The following ODF2L variants were observed in gnomAD, a reference collection of about 807,000 sequenced individuals.
ODF2L encodes the protein protein BCAP.
ODF2L carries 76 observed loss-of-function variants against 86.3 expected under a neutral mutation model. The observed-to-expected ratio is 0.88, with a 90% CI of 0.73 to 1.07. The LOEUF (loss-of-function observed/expected upper bound fraction) is 1.07, where lower values mean the gene tolerates loss of function less well. Ranked by LOEUF, ODF2L falls within the 50% of genes least tolerant of loss-of-function variation. The pLI is 0.00. For synonymous variants in ODF2L, 241 were observed against 231.3 expected (o/e 1.04, Z -0.38); for missense variants, 748 against 717.4 (o/e 1.04, Z -0.49).
At chr1:86,371,100 T>G in exon 10 of ODF2L, 1 of 1,560,132 alleles carries the variant, frequency 6.4e-7, no homozygotes, top group South Asian at 1.2e-5. Flanking sequence ...TTCACATGAA[T>G]TTTTTCCATG....
At chr1:86,379,040 G>A (rs1031442839) in intron 7 of ODF2L, among the ~76,000 whole-genome samples, 1 of 151,998 alleles carries the variant, frequency 6.6e-6, no homozygotes, top group Non-Finnish European at 1.5e-5. Flanking sequence ...TTAAAAGTGT[G>A]CAGCACCTCC....
At chr1:86,378,727 G>C (rs1010579202) in intron 7 of ODF2L, among the ~76,000 whole-genome samples, 4 of 152,098 alleles carry the variant, frequency 2.6e-5, no homozygotes, top group Non-Finnish European at 5.9e-5. Flanking sequence ...TCACTATCAT[G>C]AGAACAGGAT....
intron 8 of ODF2L, 40 bp downstream of exon 8, chr1:86,376,193 T>C (rs769834723): frequency 8.7e-7 from 1 of 1,152,004 alleles, no homozygotes; most frequent in Non-Finnish European, 1.3e-6. Context: ...ACTACGTACA[T>C]AATAGATCTT....
intron 7 of ODF2L, 87 bp downstream of exon 7, chr1:86,382,155 C>G: frequency 7.1e-7 from 1 of 1,411,888 alleles, no homozygotes. Context: ...TTTAAAACCA[C>G]CAAATTCTAG....
At chr1:86,350,357 G>A (rs552022471) in exon 18 of ODF2L, 1 of 152,224 alleles carries the variant, frequency 6.6e-6, no homozygotes, top group East Asian at 1.9e-4. Flanking sequence ...TGCGGTGTTT[G>A]GTTTTCTGTT....
At chr1:86,379,181 C>T (rs1660395571) in intron 7 of ODF2L, among the ~76,000 whole-genome samples, 1 of 152,122 alleles carries the variant, frequency 6.6e-6, no homozygotes, top group Admixed American at 6.5e-5. Flanking sequence ...GCTTCCTATA[C>T]AGCCTGTGGA....
At chr1:86,361,233 C>T (rs1659013720) in intron 11 of ODF2L, among the ~76,000 whole-genome samples, 1 of 152,182 alleles carries the variant, frequency 6.6e-6, no homozygotes, top group African/African-American at 2.4e-5. Flanking sequence ...TTACTCACAG[C>T]AATAAGAGTA....
chr1:86,387,159 G>A (rs41312038), intron 1 of ODF2L, 73 bp from the exon 2 acceptor site: 298 of 505,774 alleles, frequency 5.9e-4, no homozygotes, highest in Non-Finnish European at 3.7e-4. Context: ...AAAAAATAAA[G>A]GTTATAAGGA....
At chr1:86,352,063 G>C in exon 18 of ODF2L, 3 of 1,346,172 alleles carry the variant, frequency 2.2e-6, no homozygotes, top group Non-Finnish European at 2.9e-6. Flanking sequence ...TCGACGTTTT[G>C]TTCTGACTAA....
exon 2 of ODF2L, chr1:86,386,939 C>T: frequency 6.3e-7 from 1 of 1,586,868 alleles, no homozygotes; most frequent in East Asian, 2.3e-5. Flanking sequence ...TTCACTGGTA[C>T]ACCGTGGTAA....
chr1:86,376,140 G>A (rs1207982986), intron 8 of ODF2L, 93 bp downstream of exon 8: 2 of 645,978 alleles, frequency 3.1e-6, no homozygotes, highest in Non-Finnish European at 4.9e-6. Flanking sequence ...ATTAAGAAAA[G>A]AATAAAATTA....
intron 10 of ODF2L, among the ~76,000 whole-genome samples, chr1:86,369,680 T>C (rs953404609): frequency 6.6e-6 from 1 of 152,184 alleles, no homozygotes; most frequent in African/African-American, 2.4e-5. Context: ...CAAGCTTTAA[T>C]TACTATACAC....
intron 7 of ODF2L, among the ~76,000 whole-genome samples, chr1:86,377,347 C>T (rs190375690): frequency 7.4e-4 from 112 of 152,296 alleles, no homozygotes; most frequent in Admixed American, 3.0e-3. Context: ...CAGGCTGGCA[C>T]TGAGTATCTG....
chr1:86,349,696 G>C (rs35261823), downstream of ODF2L: 1 of 152,278 alleles, frequency 6.6e-6, no homozygotes, highest in Non-Finnish European at 1.5e-5. Flanking sequence ...TTGTAGGGTA[G>C]AATATAAAAT....
At chr1:86,376,052 G>C (rs1481057508) in intron 8 of ODF2L, among the ~76,000 whole-genome samples, 181 bp downstream of exon 8, 1 of 151,958 alleles carries the variant, frequency 6.6e-6, no homozygotes, top group Non-Finnish European at 1.5e-5. Flanking sequence ...ATTTCAATAT[G>C]AAAATTTGAC....
rs763475987 is a variant in ODF2L at position 86,382,224 on chromosome 1, T to A, written c.624+18A>T. On this transcript the variant is annotated intron_variant, in intron 7 of 17. Transcript: ENST00000317336. Reference sequence around the variant, plus strand: ...TTATCACTTAAGCTATAAAAATGGATATATATTTATATATAACCTTTACAT... The same window carrying A: ...TTATCACTTAAGCTATAAAAATGGAAATATATTTATATATAACCTTTACAT... The A allele has an allele frequency of 1.0e-5, 16 of 1,563,654 alleles. No individual in the cohort carries two copies. The highest frequency in any genetic ancestry group is 1.4e-5 in the Non-Finnish European group (16 of 1,160,532).
rs1488192705 is a variant in ODF2L at position 86,385,450 on chromosome 1, T to A, written c.246+8A>T. On this transcript the variant is annotated splice_region_variant and intron_variant, in intron 3 of 17. Transcript: ENST00000317336. The stretch of plus-strand genomic sequence containing the variant: ...TTTCATTTTATTATATATTCATAAG[T>A]CACTCACATTTTCAAAATTAATCTT... 7 of 1,538,568 alleles carry A rather than the reference T, an allele frequency of 4.5e-6. No individual in the cohort carries two copies. The African/African-American group carries it at 8.2e-5, about 18-fold the overall frequency.
intron 4 of ODF2L, among the ~76,000 whole-genome samples, chr1:86,383,667 T>C (rs929701315): frequency 2.6e-5 from 4 of 151,786 alleles, no homozygotes; most frequent in African/African-American, 9.7e-5. Context: ...GTCATACTTC[T>C]GCTTTAGAAT....
In ODF2L at chr1:86,356,634, G is replaced by A. The variant is rs781471010; in HGVS notation, c.1360-32C>T. 3.8e-6 allele frequency: 6 copies of A among 1,584,084 alleles called. No homozygotes were observed. The South Asian group carries it at 6.9e-5, about 18-fold the overall frequency. On this transcript the variant is annotated intron_variant, in intron 13 of 17. Coordinates refer to ENST00000317336, the Ensembl canonical transcript of ODF2L. ...TGTGGCAGTAGGGAAATAAGTGCAA[G>A]ATCACACATTCAGCATTAATATTTT...
Sources: allele counts gnomAD v4.1 joint callset (sites outside exome capture counted in the v4.1 genomes callset), GRCh38; gene constraint gnomAD v4.1.1; transcripts MANE v1.5; gene names NCBI Gene and HGNC (gene_info 2026-07-23, HGNC 2026-07-21).